C12orf42: variants seen among roughly 807,000 people sequenced by gnomAD.
C12orf42 encodes uncharacterized protein C12orf42.
Under a neutral mutation model 21.6 loss-of-function variants are expected in C12orf42, and 25 were observed. The observed-to-expected ratio is 1.16, with a 90% CI of 0.84 to 1.62. C12orf42 has a LOEUF of 1.62. Ranked by LOEUF, C12orf42 falls within the 40% of genes most tolerant of loss-of-function variation. The pLI, the probability that C12orf42 is intolerant of heterozygous loss-of-function variation, is 0.00. For missense variants in C12orf42, 483 were observed against 459.3 expected (o/e 1.05, Z -0.47); for synonymous variants, 174 against 175.0 (o/e 0.99, Z 0.05).
At chr12:103,129,517 C>T in the C12orf42 span, among the ~76,000 whole-genome samples, 1 of 152,160 alleles carries the variant, frequency 6.6e-6, no homozygotes, top group African/African-American at 2.4e-5. Context: ...ATCAGTAAGT[C>T]AGATAACCAA....
chr12:103,088,927 C>A, the C12orf42 span, among the ~76,000 whole-genome samples: 3 of 151,906 alleles, frequency 2.0e-5, no homozygotes, highest in Admixed American at 2.0e-4. Context: ...CACAGTGAAA[C>A]CCCGTCTCTA....
the C12orf42 span, among the ~76,000 whole-genome samples, chr12:103,159,010 A>T: frequency 2.0e-5 from 3 of 148,800 alleles, no homozygotes; most frequent in Non-Finnish European, 4.5e-5. Context: ...AGAAAAAAAA[A>T]TTTTCCATCA....
the C12orf42 span, among the ~76,000 whole-genome samples, chr12:103,507,164 A>T: frequency 2.7e-4 from 7 of 26,280 alleles, no homozygotes; most frequent in South Asian, 1.7e-3. Context: ...ATATATATAT[A>T]ATATATATTT....
chr12:103,454,126 G>A (rs981083517), intron 2 of C12orf42, among the ~76,000 whole-genome samples: 2 of 151,934 alleles, frequency 1.3e-5, no homozygotes, highest in Non-Finnish European at 2.9e-5. Flanking sequence ...TCCCTGCTCT[G>A]GTCCTCTATA....
At chr12:103,373,638 A>T (rs985517672) in intron 3 of C12orf42, among the ~76,000 whole-genome samples, 1 of 152,202 alleles carries the variant, frequency 6.6e-6, no homozygotes, top group Non-Finnish European at 1.5e-5. Flanking sequence ...TCTCCATCTC[A>T]GTATTCGTCC....
At chr12:103,399,862 C>T (rs180859547) in intron 3 of C12orf42, among the ~76,000 whole-genome samples, 9 of 151,994 alleles carry the variant, frequency 5.9e-5, no homozygotes, top group Non-Finnish European at 2.9e-5. Context: ...CACACATACA[C>T]AATACAGGTT....
chr12:103,322,211 A>G (rs2040249517), intron 4 of C12orf42, among the ~76,000 whole-genome samples: 1 of 151,936 alleles, frequency 6.6e-6, no homozygotes, highest in Non-Finnish European at 1.5e-5. Context: ...TTTAAATGAG[A>G]ACTTCCTTAC....
At chr12:103,289,497 A>C (rs1298822929) in intron 4 of C12orf42, among the ~76,000 whole-genome samples, 1 of 152,210 alleles carries the variant, frequency 6.6e-6, no homozygotes, top group Admixed American at 6.5e-5. Context: ...ACAATTATAC[A>C]TAAAATATAT....
the C12orf42 span, among the ~76,000 whole-genome samples, chr12:103,536,819 C>A: frequency 8.5e-5 from 13 of 152,196 alleles, no homozygotes; most frequent in Admixed American, 8.5e-4. Flanking sequence ...ATAAATGCCA[C>A]CTCATCAGCG....
chr12:103,493,703 C>T (rs1367489681), intron 1 of C12orf42, among the ~76,000 whole-genome samples: 2 of 55,296 alleles, frequency 3.6e-5, no homozygotes, highest in Non-Finnish European at 7.2e-5. Flanking sequence ...ACGAAAAAAG[C>T]AAAAGCCAAA....
At chr12:103,149,340 T>C in the C12orf42 span, among the ~76,000 whole-genome samples, 2 of 152,204 alleles carry the variant, frequency 1.3e-5, no homozygotes, top group Non-Finnish European at 2.9e-5. Flanking sequence ...CTAAAAGTAA[T>C]ATATTTAGGG....
intron 2 of C12orf42, among the ~76,000 whole-genome samples, chr12:103,457,626 C>T (rs1348438058): frequency 6.6e-6 from 1 of 152,160 alleles, no homozygotes; most frequent in Non-Finnish European, 1.5e-5. Flanking sequence ...TCAAAAACAT[C>T]TAGTTAAGTT....
At chr12:103,149,521 T>C in the C12orf42 span, among the ~76,000 whole-genome samples, 14,121 of 152,156 alleles carry the variant, frequency 0.093, 1,186 homozygotes, top group East Asian at 0.45. Context: ...TTATCTTAAA[T>C]TGCAATCCCA....
chr12:103,222,263 G>A, the C12orf42 span, among the ~76,000 whole-genome samples: 5 of 151,630 alleles, frequency 3.3e-5, no homozygotes, highest in African/African-American at 1.2e-4. Flanking sequence ...ATTTGGGTAG[G>A]TAAAGGAAAA....
intron 3 of C12orf42, among the ~76,000 whole-genome samples, chr12:103,399,703 A>G (rs2047833091): frequency 6.6e-6 from 1 of 152,106 alleles, no homozygotes; most frequent in African/African-American, 2.4e-5. Flanking sequence ...GTTCTTCACT[A>G]TTGATAGTCT....
chr12:103,234,294 T>C (rs940936588), downstream of C12orf42, among the ~76,000 whole-genome samples: 3 of 152,226 alleles, frequency 2.0e-5, no homozygotes, highest in Non-Finnish European at 4.4e-5. Flanking sequence ...AATATTCCAT[T>C]TATGCCTATT....
chr12:103,517,197 G>T, the C12orf42 span, among the ~76,000 whole-genome samples: 1 of 152,106 alleles, frequency 6.6e-6, no homozygotes, highest in African/African-American at 2.4e-5. Flanking sequence ...TTGGTTTTTG[G>T]TTTTTTTGTA....
intron 1 of C12orf42, among the ~76,000 whole-genome samples, chr12:103,493,521 C>A (rs994056714): frequency 1.3e-5 from 2 of 152,020 alleles, no homozygotes; most frequent in African/African-American, 4.8e-5. Flanking sequence ...TGTTCCCCTG[C>A]ATTCTCACTT....
the C12orf42 span, among the ~76,000 whole-genome samples, chr12:103,528,720 G>A: frequency 1.3e-5 from 2 of 152,204 alleles, no homozygotes; most frequent in East Asian, 1.9e-4. Context: ...TCAAAATCAC[G>A]AGCCAAATAA....
Sources: gnomAD v4.1 joint callset for allele counts (sites outside exome capture counted in the v4.1 genomes callset) on GRCh38, gnomAD v4.1.1 for gene constraint, MANE v1.5 for transcripts, NCBI Gene and HGNC (gene_info 2026-07-23, HGNC 2026-07-21) for gene names.